The following POLE variants were observed in gnomAD, a reference collection of about 807,000 sequenced individuals.
POLE encodes DNA polymerase epsilon catalytic subunit A.
Under a neutral mutation model 279.2 loss-of-function variants are expected in POLE, and 188 were observed. The ratio of observed to expected loss-of-function variants is 0.67; its 90% CI spans 0.60 to 0.76. The LOEUF (loss-of-function observed/expected upper bound fraction) is 0.76. POLE is among the 30% of genes least tolerant of loss of function. The probability of loss-of-function intolerance (pLI) is 0.00; values close to 1 mark genes in which losing one functional copy is unlikely to be tolerated. For missense variants in POLE, 2,703 were observed against 3,016.7 expected, an observed-to-expected ratio of 0.90 and a Z score of 2.44; for synonymous variants, 1,214 against 1,172.5, an observed-to-expected ratio of 1.04 and a Z score of -0.72.
chr12:132,649,152 A>G (rs2138602164), intron 31 of POLE, 80 bp from the exon 32 acceptor site: 1 of 1,548,952 alleles, frequency 6.5e-7, no homozygotes. Flanking sequence ...GGTAGCTTGC[A>G]GCTCCCAGCA....
chr12:132,672,834 C>G lies in POLE; in HGVS notation c.1479G>C (p.Leu493=), dbSNP rs1555228372. ...TIIPMEPDEV[L]RKGSGTLCEA... ...CACACAGAGTGCCAGAGCCCTTCCG[C>G]AGCACCTGCAAGAGAAACCAAGGCT... Residue 493 remains leucine (L), a synonymous_variant, in exon 15 of 49, where the codon CTG becomes CTC. Coordinates refer to ENST00000320574, the MANE Select transcript of POLE (RefSeq NM_006231.4). The G allele has an allele frequency of 2.5e-6, 4 of 1,613,626 alleles. No homozygotes were observed. Among genetic ancestry groups the G allele is most frequent in the Non-Finnish European group, 2.5e-6 (3 of 1,179,684 alleles).
rs1555225652 is a variant in POLE, at chr12:132,659,356, C to T, written c.3214G>A (p.Ala1072Thr). The part of the protein sequence containing the change: ...EFLGDQMVKD[A>T]GLSCRYIISR... Reference sequence around the variant, plus strand: ...ATGATGTAGCGGCAACTCAGCCCTGCATCCTTGACCATCTGGTCTCCCAGG... The same window carrying T: ...ATGATGTAGCGGCAACTCAGCCCTGTATCCTTGACCATCTGGTCTCCCAGG... Residue 1072 changes from alanine (A) to threonine (T), a missense_variant, in exon 26 of 49, where the codon GCA becomes ACA. Ala to Thr is a moderately conservative substitution (Grantham distance 58). Around this residue, in one of 5 missense-constraint regions of POLE, gnomAD observed 1,551 missense variants for 1,686.1 expected, o/e 0.92. Coordinates refer to ENST00000320574, the MANE Select transcript of POLE (RefSeq NM_006231.4). 6.2e-7 allele frequency: 1 copy of T among 1,614,204 alleles called. No homozygotes were observed. Among genetic ancestry groups the T allele is most frequent in the South Asian group, 1.1e-5 (1 of 91,088 alleles).
intron 29 of POLE, chr12:132,650,774 C>T (rs2042405004): frequency 6.6e-6 from 1 of 151,942 alleles, no homozygotes; most frequent in African/African-American, 2.4e-5. Context: ...CCCCCACACA[C>T]CTTTAAATTT....
chr12:132,648,123 G>A (rs939327929), intron 32 of POLE, among the ~76,000 whole-genome samples: 1 of 152,172 alleles, frequency 6.6e-6, no homozygotes, highest in Admixed American at 6.5e-5. Context: ...AAGAGCCTCA[G>A]CGCACTCATG....
intron 31 of POLE, 47 bp from the exon 32 acceptor site, chr12:132,649,119 C>A (rs2138601583): frequency 6.3e-7 from 1 of 1,586,470 alleles, no homozygotes; most frequent in Non-Finnish European, 8.6e-7. Context: ...CACACTGGAA[C>A]CCACAGACGG....
chr12:132,636,608 T>C (rs1356080759), intron 41 of POLE, among the ~76,000 whole-genome samples: 1 of 151,874 alleles, frequency 6.6e-6, no homozygotes, highest in Non-Finnish European at 1.5e-5. Flanking sequence ...ATACAAAAAT[T>C]GGCTGGGCAT....
intron 1 of POLE, among the ~76,000 whole-genome samples, chr12:132,685,031 T>C (rs1381581067): frequency 1.2e-5 from 1 of 85,574 alleles, no homozygotes; most frequent in Non-Finnish European, 2.8e-5. Flanking sequence ...GACTGGTTAC[T>C]GTATCACACA....
intron 31 of POLE, 52 bp from the exon 32 acceptor site, chr12:132,649,124 A>T (rs1334305237): frequency 6.3e-7 from 1 of 1,581,610 alleles, no homozygotes. Context: ...TGGAACCCAC[A>T]GACGGGGCCA....
chr12:132,680,079 T>C (rs758419483), intron 4 of POLE, 33 bp from the exon 5 acceptor site: 1 of 1,598,818 alleles, frequency 6.3e-7, no homozygotes, highest in Non-Finnish European at 8.6e-7. Flanking sequence ...GGCTTTCCAT[T>C]GGTAAAATAC....
rs546180686 is a variant in POLE, at chr12:132,677,514, T to A, written c.720+64A>T. The A allele has an allele frequency of 2.5e-6, 4 of 1,610,924 alleles. No homozygotes were observed. In the East Asian group the frequency reaches 8.9e-5, roughly 36 times the overall value. On this transcript the variant is annotated intron_variant, in intron 7 of 48. Coordinates refer to ENST00000320574, the MANE Select transcript of POLE (RefSeq NM_006231.4). Reference sequence around the variant, plus strand: ...GTCTATTCTTCTGTGGATTCACCCATAATGATCATCTCCTGGCTGTTAGGA... The same window carrying A: ...GTCTATTCTTCTGTGGATTCACCCAAAATGATCATCTCCTGGCTGTTAGGA...
In POLE at chr12:132,642,889, GA is replaced by G. The variant is rs1565938304; in HGVS notation, c.4658del (p.Phe1553SerfsTer9). The G allele has an allele frequency of 6.2e-7, 1 of 1,613,832 alleles. No homozygotes were observed. The highest frequency in any genetic ancestry group is 1.1e-5 in the South Asian group (1 of 91,046). ...TCAGGTCAGTTTCTGCCCGAACTTCGAAGGTGTGTTTGGGGGGTGGCAGGAG... is the reference window on the plus strand; with the variant it reads ...TCAGGTCAGTTTCTGCCCGAACTTCGAGGTGTGTTTGGGGGGTGGCAGGAG... The part of the protein sequence containing the change: ...PELLPPPKHT[F>X]EVRAETDLKT... On this transcript the variant is annotated frameshift_variant, in exon 36 of 49. Transcript: ENST00000320574. LOFTEE classifies it high-confidence loss of function.
chr12:132,677,308 A>G (rs1450640232), intron 8 of POLE, 55 bp downstream of exon 8: 3 of 1,267,992 alleles, frequency 2.4e-6, no homozygotes, highest in Non-Finnish European at 3.5e-6. Flanking sequence ...ACTGAAGAAT[A>G]TTCTCTCCAG....
Position 132,643,823 on chromosome 12 carries a change from G to C in POLE, c.4290+14C>G, listed in dbSNP as rs779180047. 2 of 1,611,516 alleles carry C rather than the reference G, an allele frequency of 1.2e-6. No individual in the cohort carries two copies. Among genetic ancestry groups the C allele is most frequent in the African/African-American group, 2.7e-5 (2 of 74,886 alleles). Reference sequence around the variant, plus strand: ...AGCCTCCCCCAGTTCAGTCGAGGGTGGCTGGGGAGTCACCTGAGTCTCATA... The same window carrying C: ...AGCCTCCCCCAGTTCAGTCGAGGGTCGCTGGGGAGTCACCTGAGTCTCATA... On this transcript the variant is annotated intron_variant, in intron 33 of 48. Transcript: ENST00000320574.
chr12:132,627,949 T>C (rs968959979), intron 45 of POLE, among the ~76,000 whole-genome samples: 1 of 152,238 alleles, frequency 6.6e-6, no homozygotes, highest in African/African-American at 2.4e-5. Flanking sequence ...TCTTTCAAAA[T>C]TGGAGTCGGT....
At chr12:132,671,395 G>A (rs1164342377) in intron 16 of POLE, among the ~76,000 whole-genome samples, 3 of 151,218 alleles carry the variant, frequency 2.0e-5, no homozygotes, top group Non-Finnish European at 4.4e-5. Context: ...GATAGGCCAG[G>A]CGCGGTGCCT....
In POLE at chr12:132,676,463, C is replaced by G. The variant is rs891335489; in HGVS notation, c.909+83G>C. The stretch of plus-strand genomic sequence containing the variant: ...TCATTATTCACTCAACAAATACTAA[C>G]AGTGGGGCAGATGCTGCTGTAGTAT... On this transcript the variant is annotated intron_variant, in intron 9 of 48. Transcript: ENST00000320574. The G allele has an allele frequency of 8.7e-6, 8 of 915,002 alleles. No homozygotes were observed. In the African/African-American group the frequency reaches 1.1e-4, roughly 13 times the overall value. 56.7% of individuals were successfully genotyped at this position (915,002 alleles called of 1,614,324 possible).
rs910016477 is a variant in POLE, at chr12:132,661,420, C to G, written c.2864+107G>C. On this transcript the variant is annotated intron_variant, in intron 24 of 48. Transcript: ENST00000320574. This position sits in a 1 kb window ranked among gnomAD's most constrained non-coding sequence, Gnocchi z 4.1. ...ACGGAATCAGTAAGATCACAAGAAC[C>G]CAGGTCTGTTTCTATCCTGGCTCCT... 7 of 1,247,008 alleles carry G rather than the reference C, an allele frequency of 5.6e-6. No individual in the cohort carries two copies. The highest frequency in any genetic ancestry group is 7.9e-6 in the Non-Finnish European group (7 of 885,222). 77.2% of individuals were successfully genotyped at this position (1,247,008 alleles called of 1,614,324 possible).
chr12:132,667,330 G>T (rs2042818987), intron 20 of POLE, among the ~76,000 whole-genome samples, 173 bp downstream of exon 20: 1 of 152,112 alleles, frequency 6.6e-6, no homozygotes, highest in Non-Finnish European at 1.5e-5. Context: ...GTGGATGATG[G>T]TCTGCATCCT....
intron 8 of POLE, 133 bp from the exon 9 acceptor site, chr12:132,676,786 C>T: frequency 3.1e-6 from 2 of 642,512 alleles, no homozygotes; most frequent in South Asian, 3.6e-5. Context: ...GGGAGAAGGA[C>T]CCTAAGACTA....
Sources: gnomAD v4.1 joint callset for allele counts (sites outside exome capture counted in the v4.1 genomes callset) on GRCh38, gnomAD v4.1.1 for gene constraint, gnomAD v4.1.1 regional missense constraint, Gnocchi (gnomAD v3.1) non-coding constraint, MANE v1.5 for transcripts, NCBI Gene and HGNC (gene_info 2026-07-23, HGNC 2026-07-21) for gene names.